EEA1: variants seen among roughly 807,000 people sequenced by gnomAD.
EEA1 encodes early endosome antigen 1, 162kD.
Under a neutral mutation model 209.2 loss-of-function variants are expected in EEA1, and 111 were observed. The observed-to-expected ratio is 0.53, with a 90% confidence interval of 0.45 to 0.62. The LOEUF (loss-of-function observed/expected upper bound fraction) is 0.62, where lower values mean the gene tolerates loss of function less well. Among genes scored for constraint, EEA1 ranks in the 20% least tolerant of loss-of-function variants. The pLI, the probability that EEA1 is intolerant of heterozygous loss-of-function variation, is 0.00. For missense variants in EEA1, 1,343 were observed against 1,530.8 expected (o/e 0.88, Z 2.05); for synonymous variants, 536 against 540.6 (o/e 0.99, Z 0.12).
At chr12:92,810,404 C>A (rs988373083) in intron 17 of EEA1, among the ~76,000 whole-genome samples, 2 of 152,050 alleles carry the variant, frequency 1.3e-5, no homozygotes, top group Admixed American at 6.5e-5. Flanking sequence ...TAAAATAATA[C>A]TTCTGTTATT....
rs1432343413 is a variant in EEA1, at chr12:92,776,142, G to A, written c.4114-9C>T. 2 of 1,596,436 alleles carry A rather than the reference G, an allele frequency of 1.3e-6. No homozygotes were observed. Among genetic ancestry groups the A allele is most frequent in the African/African-American group, 1.3e-5 (1 of 74,194 alleles). ...CACTGTCGGCAGTGATGCTGTAAAT[G>A]ACAAAAATTAAACAATTTCAAGAAT... On this transcript the variant is annotated splice_polypyrimidine_tract_variant and intron_variant, in intron 28 of 28. Transcript: ENST00000322349.
At chr12:92,798,115 C>G (rs1305194487) in intron 21 of EEA1, among the ~76,000 whole-genome samples, 1 of 151,858 alleles carries the variant, frequency 6.6e-6, no homozygotes, top group Non-Finnish European at 1.5e-5. Context: ...AAAATATGCT[C>G]AATAATAAAT....
intron 1 of EEA1, among the ~76,000 whole-genome samples, chr12:92,909,100 G>A (rs577102630): frequency 9.9e-5 from 15 of 152,224 alleles, no homozygotes; most frequent in South Asian, 4.2e-4. Flanking sequence ...ATGAGCCACC[G>A]CGCCCAGCCC....
At chr12:92,806,691 T>C (rs1875221589) in intron 18 of EEA1, among the ~76,000 whole-genome samples, 1 of 152,190 alleles carries the variant, frequency 6.6e-6, no homozygotes, top group African/African-American at 2.4e-5. Context: ...TACAGACCAA[T>C]ACCCCTCATA....
chr12:92,782,602 T>C (rs1873952410), intron 22 of EEA1, among the ~76,000 whole-genome samples: 1 of 152,218 alleles, frequency 6.6e-6, no homozygotes, highest in Non-Finnish European at 1.5e-5. Context: ...TTCTATGATG[T>C]CCCTTGACAT....
At chr12:92,904,572 C>T (rs1880290660) in intron 1 of EEA1, among the ~76,000 whole-genome samples, 2 of 152,206 alleles carry the variant, frequency 1.3e-5, no homozygotes, top group African/African-American at 4.8e-5. Flanking sequence ...CCTTCTAACA[C>T]CAATAGCAAA....
intron 1 of EEA1, among the ~76,000 whole-genome samples, chr12:92,909,934 G>A (rs1284417682): frequency 6.6e-6 from 1 of 151,884 alleles, no homozygotes; most frequent in African/African-American, 2.4e-5. Flanking sequence ...CCGGAGGTCA[G>A]GAGTTTGAGA....
intron 1 of EEA1, among the ~76,000 whole-genome samples, chr12:92,914,613 C>A (rs929865279): frequency 6.6e-6 from 1 of 152,022 alleles, no homozygotes; most frequent in African/African-American, 2.4e-5. Flanking sequence ...TCACTTGAGG[C>A]CAAGAGTTTA....
At chr12:92,807,520 T>C (rs1875273562) in intron 18 of EEA1, among the ~76,000 whole-genome samples, 1 of 152,158 alleles carries the variant, frequency 6.6e-6, no homozygotes, top group Non-Finnish European at 1.5e-5. Context: ...ATAACATGAA[T>C]GTCTAGTTAG....
intron 1 of EEA1, among the ~76,000 whole-genome samples, chr12:92,898,739 T>C (rs1286915014): frequency 3.4e-4 from 45 of 131,474 alleles, no homozygotes; most frequent in African/African-American, 1.3e-3. Context: ...CCCTTTTTTT[T>C]TTTTTTTTTT....
intron 13 of EEA1, among the ~76,000 whole-genome samples, 154 bp downstream of exon 13, chr12:92,826,012 T>C (rs1413142437): frequency 6.6e-6 from 1 of 152,026 alleles, no homozygotes; most frequent in East Asian, 1.9e-4. Flanking sequence ...TTCAAAGTTA[T>C]CAAAATCCCT....
chr12:92,813,099 A>G lies in EEA1; in HGVS notation c.1930-6T>C, dbSNP rs1438026977. ...AGTTCGGTTTTGGCTTTAATCTGTA[A>G]CAGCATTTACAAATTATTTAATTTA... is the stretch of plus-strand genomic sequence containing the variant. On this transcript the variant is annotated splice_region_variant and splice_polypyrimidine_tract_variant and intron_variant, in intron 15 of 28. Transcript: ENST00000322349. The G allele has an allele frequency of 5.8e-6, 9 of 1,540,576 alleles. No individual in the cohort carries two copies. The highest frequency in any genetic ancestry group is 8.0e-6 in the Non-Finnish European group (9 of 1,128,410).
At chr12:92,914,762 C>T (rs908065389) in intron 1 of EEA1, among the ~76,000 whole-genome samples, 4 of 151,644 alleles carry the variant, frequency 2.6e-5, no homozygotes, top group African/African-American at 9.7e-5. Flanking sequence ...CTCCAGAGTT[C>T]GAGCAACTCT....
intron 9 of EEA1, among the ~76,000 whole-genome samples, chr12:92,843,888 C>T (rs75267780): frequency 0.015 from 2,336 of 152,134 alleles, 35 homozygotes; most frequent in Middle Eastern, 0.031. Flanking sequence ...TAACTTATCA[C>T]GGCAACAATG....
chr12:92,777,683 G>C lies in EEA1; in HGVS notation c.3894-20C>G, dbSNP rs1265624908. On this transcript the variant is annotated intron_variant, in intron 26 of 28. Coordinates refer to ENST00000322349, the MANE Select transcript of EEA1 (RefSeq NM_003566.4). ...AGACATCTGGAATAGATTGCAAAGA[G>C]GTAATTAATTTTTTAGAAAATCATT... 1.1e-5 allele frequency: 17 copies of C among 1,603,164 alleles called. No individual in the cohort carries two copies. The highest frequency in any genetic ancestry group is 1.7e-5 in the Admixed American group (1 of 58,306).
In EEA1 at chr12:92,779,145, C is replaced by T; in HGVS notation, c.3624G>A (p.Lys1208=). 1 of 1,603,974 alleles carries T rather than the reference C, an allele frequency of 6.2e-7. No homozygotes were observed. The highest frequency in any genetic ancestry group is 8.5e-7 in the Non-Finnish European group (1 of 1,177,700). Reference sequence around the variant, plus strand: ...TAGCTTCTTTCTCAATAAATTCTTTCTTCAGCTCCTCTTCTTCCTTTTTCA... The same window carrying T: ...TAGCTTCTTTCTCAATAAATTCTTTTTTCAGCTCCTCTTCTTCCTTTTTCA... ...DQVKKEEEEL[K]KEFIEKEAKL... Residue 1208 remains lysine (K), a synonymous_variant, in exon 25 of 29, where the codon AAG becomes AAA. Transcript: ENST00000322349.
intron 19 of EEA1, among the ~76,000 whole-genome samples, chr12:92,802,120 T>G (rs1052651517): frequency 3.3e-5 from 5 of 152,014 alleles, no homozygotes; most frequent in Non-Finnish European, 7.4e-5. Context: ...TAGAAAATGT[T>G]TTCTCTAAAC....
At chr12:92,928,952 A>AGCCCGCGCTGAGGAGGGGC (rs1881319791) in intron 1 of EEA1, 91 bp downstream of exon 1, 3 of 1,376,484 alleles carry the variant, frequency 2.2e-6, no homozygotes, top group Non-Finnish European at 3.0e-6. Flanking sequence ...GGAAGGAAGG[A>AGCCCGCGCTGAGGAGGGGC]GCCCGCGCTG....
At chr12:92,849,256 G>A (rs926892663) in intron 9 of EEA1, among the ~76,000 whole-genome samples, 1 of 152,032 alleles carries the variant, frequency 6.6e-6, no homozygotes. Flanking sequence ...TCAAAAGGGA[G>A]TGTATTTTTT....
Sources: gnomAD v4.1 joint callset for allele counts (sites outside exome capture counted in the v4.1 genomes callset) on GRCh38, gnomAD v4.1.1 for gene constraint, MANE v1.5 for transcripts, NCBI Gene and HGNC (gene_info 2026-07-23, HGNC 2026-07-21) for gene names.